The following TOPBP1 variants were observed in gnomAD, a reference collection of about 807,000 sequenced individuals.
TOPBP1 encodes the protein DNA topoisomerase II binding protein 1.
Under a neutral mutation model 167.7 loss-of-function variants are expected in TOPBP1, and 28 were observed. That is an observed-to-expected ratio of 0.17 (90% CI 0.12 to 0.23). The LOEUF (loss-of-function observed/expected upper bound fraction) is 0.23. Ranked by LOEUF, TOPBP1 falls within the 10% of genes least tolerant of loss-of-function variation. The pLI is 1.00. For missense variants in TOPBP1, 1,554 were observed against 1,809.6 expected (o/e 0.86, Z 2.56); for synonymous variants, 598 against 611.4 (o/e 0.98, Z 0.32).
At chr3:133,621,647 C>G (rs1225041552) in intron 19 of TOPBP1, among the ~76,000 whole-genome samples, 2 of 152,108 alleles carry the variant, frequency 1.3e-5, no homozygotes, top group African/African-American at 2.4e-5. Flanking sequence ...GAACCACTGC[C>G]ACATGGATAC....
chr3:133,634,725 TAGA>T (rs747734963), intron 14 of TOPBP1, among the ~76,000 whole-genome samples: 7 of 152,114 alleles, frequency 4.6e-5, no homozygotes, highest in Admixed American at 1.3e-4. Flanking sequence ...AAACAATTTG[TAGA>T]AGAAGCAAGG....
At position 133,644,168 on chromosome 3, in the gene TOPBP1, T is replaced by C. The variant is rs1935995827; in HGVS notation, c.1700A>G (p.Asn567Ser). ...SFLVLGFSNENESNIANIIKE... is the reference protein window; with the variant it reads ...SFLVLGFSNESESNIANIIKE... ...TATGATGTTTGCGATGTTAGATTCA[T>C]TTTCATTACTAAAACCCAAAACAAG... The change falls in exon 11 of 28, where the codon AAT (asparagine) becomes AGT (serine). Residue 567 changes from asparagine (N) to serine (S), a missense_variant. By Grantham distance (46) the Asn-to-Ser change is conservative (BLOSUM62 1). Around this residue, in one of 3 missense-constraint regions of TOPBP1, gnomAD observed 1,197 missense variants for 1,351.5 expected, o/e 0.89. Coordinates refer to ENST00000260810, the MANE Select transcript of TOPBP1 (RefSeq NM_007027.4). 6.2e-7 allele frequency: 1 copy of C among 1,613,916 alleles called. No individual in the cohort carries two copies. Among genetic ancestry groups the C allele is most frequent in the Non-Finnish European group, 8.5e-7 (1 of 1,179,858 alleles).
chr3:133,637,017 G>A (rs1250911569), intron 14 of TOPBP1, among the ~76,000 whole-genome samples: 1 of 151,888 alleles, frequency 6.6e-6, no homozygotes, highest in Non-Finnish European at 1.5e-5. Context: ...ATTAGCTTGG[G>A]GAAAACTGTC....
intron 12 of TOPBP1, among the ~76,000 whole-genome samples, chr3:133,641,605 C>T (rs114680741): frequency 3.3e-5 from 5 of 152,270 alleles, no homozygotes; most frequent in Non-Finnish European, 5.9e-5. Flanking sequence ...CCTCCTGCCA[C>T]GGCCTCTCAA....
intron 27 of TOPBP1, among the ~76,000 whole-genome samples, chr3:133,606,488 T>A (rs1435804269): frequency 6.9e-6 from 1 of 145,828 alleles, no homozygotes; most frequent in Non-Finnish European, 1.5e-5. Flanking sequence ...TCTTAACCAC[T>A]CTAGGCCTTT....
chr3:133,656,880 A>G, intron 4 of TOPBP1, 23 bp from the exon 5 acceptor site: 8 of 1,507,550 alleles, frequency 5.3e-6, no homozygotes, highest in Non-Finnish European at 7.1e-6. Flanking sequence ...AAGAGAACAC[A>G]TTAATGCTGA....
Position 133,649,424 on chromosome 3 carries a change from T to G in TOPBP1, c.1463A>C (p.Glu488Ala). The change falls in exon 10 of 28, where the codon GAA (glutamate) becomes GCA (alanine). Residue 488 changes from glutamate (E) to alanine (A), a missense_variant. By Grantham distance (107) the Glu-to-Ala change is moderately radical. Coordinates refer to ENST00000260810, the MANE Select transcript of TOPBP1 (RefSeq NM_007027.4). ...ATTTTCATATTGAGAGAGCAGATCTTCATCAGCTTGCTCATGCTTTTCACT... is the reference window on the plus strand; with the variant it reads ...ATTTTCATATTGAGAGAGCAGATCTGCATCAGCTTGCTCATGCTTTTCACT... ...APSEKHEQAD[E>A]DLLSQYENGS... 1.9e-6 allele frequency: 3 copies of G among 1,613,840 alleles called. No individual in the cohort carries two copies. Among genetic ancestry groups the G allele is most frequent in the Non-Finnish European group, 2.5e-6 (3 of 1,179,870 alleles).
chr3:133,636,151 A>G (rs975307456), intron 14 of TOPBP1, among the ~76,000 whole-genome samples: 1 of 152,176 alleles, frequency 6.6e-6, no homozygotes, highest in Non-Finnish European at 1.5e-5. Flanking sequence ...TACAGTACTG[A>G]CCATGGTCTC....
rs148403666 is a variant in TOPBP1, at chr3:133,608,588, C to A, written c.4372G>T (p.Ala1458Ser). ...DSGVNIAEAAAQNVYCLRTEY... is the reference protein window; with the variant it reads ...DSGVNIAEAASQNVYCLRTEY... ...GTTCTCAAGCAGTACACGTTCTGGG[C>A]AGCAGCTTCTGCTATATTAACTCCT... Residue 1458 changes from alanine to serine, a missense_variant, in exon 27 of 28, where the codon GCC becomes TCC. This residue lies in a region of TOPBP1 where 351 missense variants were observed against 432.9 expected (regional missense o/e 0.81). Coordinates refer to ENST00000260810, the MANE Select transcript of TOPBP1 (RefSeq NM_007027.4). 8.7e-4 allele frequency: 1,398 copies of A among 1,613,828 alleles called. 23 individuals are homozygous for A. The East Asian group carries it at 0.027, about 31-fold the overall frequency.
chr3:133,658,472 A>T (rs145598943), intron 3 of TOPBP1, among the ~76,000 whole-genome samples: 25 of 81,408 alleles, frequency 3.1e-4, no homozygotes, highest in African/African-American at 1.0e-3. Context: ...ATAACAAAAG[A>T]AAAAAAAAAA....
rs747734437 is a variant in TOPBP1, at chr3:133,652,449, T to C, written c.1089+14A>G. 1.2e-5 allele frequency: 20 copies of C among 1,610,788 alleles called. No homozygotes were observed. Among genetic ancestry groups the C allele is most frequent in the Non-Finnish European group, 1.5e-5 (18 of 1,179,468 alleles). ...TATATCATCTACTGCATGTATTATA[T>C]AATAAAGACGTACCCGACAACCATC... On this transcript the variant is annotated intron_variant, in intron 8 of 27. Coordinates refer to ENST00000260810, the MANE Select transcript of TOPBP1 (RefSeq NM_007027.4).
chr3:133,644,437 C>G (rs1409408200), intron 10 of TOPBP1, 74 bp from the exon 11 acceptor site: 1 of 1,294,420 alleles, frequency 7.7e-7, no homozygotes, highest in African/African-American at 1.5e-5. Context: ...AGGATATTAA[C>G]GTAACATGGA....
At chr3:133,607,618 G>A (rs896096248) in intron 27 of TOPBP1, among the ~76,000 whole-genome samples, 7 of 152,072 alleles carry the variant, frequency 4.6e-5, no homozygotes, top group Non-Finnish European at 7.4e-5. Flanking sequence ...ATGCTCAAGG[G>A]AAGTGCTTAT....
At position 133,637,938 on chromosome 3, in the gene TOPBP1, G is replaced by A; in HGVS notation, c.2458C>T (p.Leu820=). ...GACAGGAATTTTGATGGTGTATCCA[G>A]GTGTAACGAGGGCTCCTTCTGAAGT... ...QPLQKEPSLH[L]DTPSKFLSKD... The change falls in exon 14 of 28, where the codon CTG becomes TTG. Residue 820 remains leucine (L), a synonymous_variant. Coordinates refer to ENST00000260810, the MANE Select transcript of TOPBP1 (RefSeq NM_007027.4). The A allele has an allele frequency of 1.2e-6, 2 of 1,613,948 alleles. No individual in the cohort carries two copies. Among genetic ancestry groups the A allele is most frequent in the Non-Finnish European group, 8.5e-7 (1 of 1,179,856 alleles).
At chr3:133,613,927 G>A (rs1934771120) in intron 23 of TOPBP1, among the ~76,000 whole-genome samples, 1 of 151,710 alleles carries the variant, frequency 6.6e-6, no homozygotes, top group South Asian at 2.1e-4. Context: ...TGAGTAGCTG[G>A]GATTACAGGT....
At position 133,649,760 on chromosome 3, in the gene TOPBP1, G is replaced by A; in HGVS notation, c.1253+20C>T. The A allele has an allele frequency of 3.2e-6, 5 of 1,585,856 alleles. No individual in the cohort carries two copies. The highest frequency in any genetic ancestry group is 4.3e-6 in the Non-Finnish European group (5 of 1,170,802). ...AAAATTATGTAGTAGAAATTGCTTT[G>A]AATTAAAAACGAAAAAAACCTGTGG... is the stretch of plus-strand genomic sequence containing the variant. On this transcript the variant is annotated intron_variant, in intron 9 of 27. Transcript: ENST00000260810.
At chr3:133,642,353 GA>G (rs1251042540) in intron 12 of TOPBP1, among the ~76,000 whole-genome samples, 1 of 145,736 alleles carries the variant, frequency 6.9e-6, no homozygotes, top group Non-Finnish European at 1.5e-5. Context: ...CAACTTTAAA[GA>G]CTACATTTAG....
At chr3:133,628,839 G>A (rs1451508152) in intron 14 of TOPBP1, 106 bp from the exon 15 acceptor site, 1 of 1,141,602 alleles carries the variant, frequency 8.8e-7, no homozygotes, top group African/African-American at 1.6e-5. Flanking sequence ...GAGGGGTAAA[G>A]AGAGAGAAGG....
Position 133,653,368 on chromosome 3 carries a change from G to C in TOPBP1, c.899C>G (p.Thr300Ser), listed in dbSNP as rs766779307. Residue 300 changes from threonine to serine, a missense_variant, in exon 7 of 28, where the codon ACC becomes AGC. By Grantham distance (58) the Thr-to-Ser change is moderately conservative (BLOSUM62 1). This residue lies in a region of TOPBP1 where 1,197 missense variants were observed against 1,351.5 expected (regional missense o/e 0.89). Coordinates refer to ENST00000260810, the MANE Select transcript of TOPBP1 (RefSeq NM_007027.4). The part of the protein sequence containing the change: ...AKTMPNSSTP[T>S]SQINTIDSRT... ...ACTATCAATTGTGTTGATCTGGCTG[G>C]TAGGAGTTGAAGAATTGGGCATAGT... 1.2e-5 allele frequency: 19 copies of C among 1,605,586 alleles called. No individual in the cohort carries two copies. The highest frequency in any genetic ancestry group is 1.6e-5 in the Non-Finnish European group (19 of 1,177,320).
Sources: gnomAD v4.1 joint callset for allele counts (sites outside exome capture counted in the v4.1 genomes callset) on GRCh38, gnomAD v4.1.1 for gene constraint, gnomAD v4.1.1 regional missense constraint, MANE v1.5 for transcripts, NCBI Gene and HGNC (gene_info 2026-07-23, HGNC 2026-07-21) for gene names.